PBX3: variants seen among roughly 807,000 people sequenced by gnomAD.
PBX3 encodes PBX homeobox 3, also known as pre-B-cell leukemia transcription factor 3.
PBX3 carries 14 observed loss-of-function variants against 48.5 expected under a neutral mutation model. That is an observed-to-expected ratio of 0.29 (90% CI 0.19 to 0.45). The LOEUF is 0.45. PBX3 is among the 20% of genes least tolerant of loss of function. The probability of loss-of-function intolerance (pLI) is 1.00; values close to 1 mark genes in which losing one functional copy is unlikely to be tolerated. For synonymous variants in PBX3, 210 were observed against 200.3 expected, an observed-to-expected ratio of 1.05 and a Z score of -0.41; for missense variants, 386 against 546.7, an observed-to-expected ratio of 0.71 and a Z score of 2.93.
chr9:125,794,779 AATTCCAAAG>A (rs982110446), intron 2 of PBX3, among the ~76,000 whole-genome samples: 2 of 150,146 alleles, frequency 1.3e-5, no homozygotes, highest in African/African-American at 4.9e-5. Context: ...CACCCACCTC[AATTCCAAAG>A]ATAACAAGGT....
At chr9:125,841,017 G>A (rs1421128752) in intron 2 of PBX3, among the ~76,000 whole-genome samples, 1 of 152,010 alleles carries the variant, frequency 6.6e-6, no homozygotes, top group Admixed American at 6.6e-5. Flanking sequence ...TTGTTCTTTA[G>A]AAATTCTTAA....
At chr9:125,886,311 C>G (rs930760005) in intron 2 of PBX3, among the ~76,000 whole-genome samples, 1 of 152,040 alleles carries the variant, frequency 6.6e-6, no homozygotes, top group Non-Finnish European at 1.5e-5. Context: ...AGGCCTCTGC[C>G]TCTGATATGG....
intron 2 of PBX3, among the ~76,000 whole-genome samples, chr9:125,809,955 G>A (rs1838238966): frequency 6.6e-6 from 1 of 152,208 alleles, no homozygotes; most frequent in African/African-American, 2.4e-5. Context: ...CTGTTGTAAT[G>A]CTTGTTTTGA....
chr9:125,944,634 T>C (rs1842028630), intron 5 of PBX3, among the ~76,000 whole-genome samples: 1 of 152,184 alleles, frequency 6.6e-6, no homozygotes, highest in Admixed American at 6.5e-5. Context: ...GAGAAGATGA[T>C]GTGTAGAACC....
intron 2 of PBX3, among the ~76,000 whole-genome samples, chr9:125,806,967 A>G (rs1838143363): frequency 1.3e-5 from 2 of 152,252 alleles, no homozygotes; most frequent in South Asian, 2.1e-4. Context: ...AGGGGACACC[A>G]TAAACCTTTA....
chr9:125,959,032 G>T (rs7868182), intron 5 of PBX3, among the ~76,000 whole-genome samples: 1 of 151,706 alleles, frequency 6.6e-6, no homozygotes, highest in Middle Eastern at 3.4e-3. Context: ...TGAGAGGTCA[G>T]ACTAGTCAGA....
At chr9:125,822,499 A>T (rs770009893) in intron 2 of PBX3, among the ~76,000 whole-genome samples, 13 of 152,080 alleles carry the variant, frequency 8.5e-5, no homozygotes, top group Non-Finnish European at 1.8e-4. Flanking sequence ...TCTTCCTTAG[A>T]TGTGGTTTTT....
chr9:125,941,418 G>T (rs1841956776), intron 5 of PBX3, among the ~76,000 whole-genome samples: 1 of 152,168 alleles, frequency 6.6e-6, no homozygotes, highest in African/African-American at 2.4e-5. Flanking sequence ...AGTTTTATAG[G>T]ATCACCATGG....
At chr9:125,901,179 G>A (rs190102867) in intron 2 of PBX3, among the ~76,000 whole-genome samples, 3 of 151,646 alleles carry the variant, frequency 2.0e-5, no homozygotes, top group South Asian at 2.1e-4. Flanking sequence ...ACCCGCTTCC[G>A]TCAGTAATGC....
chr9:125,926,113 A>G (rs575996897), intron 3 of PBX3, among the ~76,000 whole-genome samples: 5 of 152,386 alleles, frequency 3.3e-5, no homozygotes, highest in Middle Eastern at 3.4e-3. Flanking sequence ...GTCACATTAC[A>G]TAACTTGGAA....
intron 2 of PBX3, among the ~76,000 whole-genome samples, chr9:125,888,801 G>T (rs1304446368): frequency 1.3e-5 from 2 of 152,058 alleles, no homozygotes; most frequent in Non-Finnish European, 2.9e-5. Context: ...CAATATAGTA[G>T]TCTGGACTGG....
intron 5 of PBX3, among the ~76,000 whole-genome samples, chr9:125,960,322 C>A (rs1219789293): frequency 1.3e-5 from 2 of 152,174 alleles, no homozygotes; most frequent in Admixed American, 6.5e-5. Flanking sequence ...TCAAGTATTT[C>A]TTATTATTTA....
At chr9:125,791,042 G>A (rs1837587816) in intron 2 of PBX3, among the ~76,000 whole-genome samples, 1 of 151,860 alleles carries the variant, frequency 6.6e-6, no homozygotes, top group African/African-American at 2.4e-5. Context: ...AGCCTCCCGA[G>A]TAGCTGGGAT....
rs1440937750 is a variant in PBX3, at chr9:125,759,878, AG to A, written c.274+11257del. Among the ~76,000 whole-genome samples, 5 of 152,196 alleles carry A rather than the reference AG, an allele frequency of 3.3e-5. No individual in the cohort carries two copies. The highest frequency in any genetic ancestry group is 1.2e-4 in the African/African-American group (5 of 41,460). On this transcript the variant is annotated intron_variant, in intron 2 of 8. Coordinates refer to ENST00000373489, the MANE Select transcript of PBX3 (RefSeq NM_006195.6). This position sits in a 1 kb window ranked among gnomAD's most constrained non-coding sequence, Gnocchi z 4.2. ...CAGAGGTGGTAAAATAGTTATCTTCAGGCAGTGGCAGCCAGGAGCTGCTTGA... is the reference window on the plus strand; with the variant it reads ...CAGAGGTGGTAAAATAGTTATCTTCAGCAGTGGCAGCCAGGAGCTGCTTGA...
intron 2 of PBX3, among the ~76,000 whole-genome samples, chr9:125,831,352 G>A (rs1177425315): frequency 6.6e-6 from 1 of 151,808 alleles, no homozygotes; most frequent in Non-Finnish European, 1.5e-5. Context: ...GGATGACCCA[G>A]TGCCTGGATT....
At chr9:125,943,554 C>T (rs1367600154) in intron 5 of PBX3, among the ~76,000 whole-genome samples, 1 of 151,812 alleles carries the variant, frequency 6.6e-6, no homozygotes, top group East Asian at 1.9e-4. Context: ...GTATTCTTAT[C>T]AGTTTTTCTC....
chr9:125,953,463 C>A (rs886297897), intron 5 of PBX3, among the ~76,000 whole-genome samples: 1 of 130,806 alleles, frequency 7.6e-6, no homozygotes, highest in African/African-American at 2.8e-5. Context: ...CGCAACAGAG[C>A]GAGACCCTGT....
chr9:125,854,002 A>ACT, intron 2 of PBX3, among the ~76,000 whole-genome samples: 1 of 151,714 alleles, frequency 6.6e-6, no homozygotes, highest in South Asian at 2.1e-4. Flanking sequence ...ACACACACAC[A>ACT]TACATATATA....
At chr9:125,836,842 A>AT (rs1445512143) in intron 2 of PBX3, among the ~76,000 whole-genome samples, 13 of 152,184 alleles carry the variant, frequency 8.5e-5, no homozygotes, top group Non-Finnish European at 1.6e-4. Flanking sequence ...CTGAGCTACT[A>AT]TTTTTTATCT....
Sources: allele counts gnomAD v4.1 joint callset (sites outside exome capture counted in the v4.1 genomes callset), GRCh38; gene constraint gnomAD v4.1.1; non-coding constraint Gnocchi (gnomAD v3.1); transcripts MANE v1.5; gene names NCBI Gene and HGNC (gene_info 2026-07-23, HGNC 2026-07-21).